The following TMTC2 variants were observed in gnomAD, a reference collection of about 807,000 sequenced individuals.
The protein encoded by TMTC2 is protein O-mannosyl-transferase TMTC2.
A neutral mutation model predicts 82.4 loss-of-function variants in TMTC2; 43 were observed. That is an observed-to-expected ratio of 0.52 (90% CI 0.41 to 0.67). TMTC2 has a LOEUF of 0.67. Among genes scored for constraint, TMTC2 ranks in the 30% least tolerant of loss-of-function variants. The pLI is 0.00. For missense variants in TMTC2, 919 were observed against 1,012.4 expected (o/e 0.91, Z 1.25); for synonymous variants, 408 against 381.9 (o/e 1.07, Z -0.80).
chr12:83,071,545 A>T (rs1405030737), intron 11 of TMTC2, among the ~76,000 whole-genome samples: 3 of 152,008 alleles, frequency 2.0e-5, no homozygotes, highest in Admixed American at 1.3e-4. Flanking sequence ...TCTTTACCTG[A>T]CTTGTAGAAT....
chr12:83,026,705 A>T (rs1881192040), intron 8 of TMTC2, among the ~76,000 whole-genome samples: 1 of 142,914 alleles, frequency 7.0e-6, no homozygotes, highest in South Asian at 2.3e-4. Context: ...TGATTGAAGG[A>T]GTGTGTGTGT....
At chr12:82,705,193 G>T (rs900681160) in intron 1 of TMTC2, among the ~76,000 whole-genome samples, 6 of 152,184 alleles carry the variant, frequency 3.9e-5, no homozygotes, top group African/African-American at 1.2e-4. Flanking sequence ...CAAGGGGAGA[G>T]GGTGGGTAGA....
In TMTC2 at chr12:82,910,695, C is replaced by A. The variant is rs966826933; in HGVS notation, c.1483+14049C>A. Among the ~76,000 whole-genome samples, 8 of 152,100 alleles carry A rather than the reference C, an allele frequency of 5.3e-5. 1 individual carries two copies. The highest frequency in any genetic ancestry group is 4.6e-4 in the Admixed American group (7 of 15,282). On this transcript the variant is annotated intron_variant, in intron 3 of 11. Coordinates refer to ENST00000321196, the MANE Select transcript of TMTC2 (RefSeq NM_152588.3). Reference sequence around the variant, plus strand: ...GGATTTCCCATGGAGTCCGGCTGCTCCCCAGCCTGGGCTCTCCTCTGATTG... The same window carrying A: ...GGATTTCCCATGGAGTCCGGCTGCTACCCAGCCTGGGCTCTCCTCTGATTG...
chr12:82,898,524 T>C (rs1873793909), intron 3 of TMTC2, among the ~76,000 whole-genome samples: 1 of 152,190 alleles, frequency 6.6e-6, no homozygotes, highest in Non-Finnish European at 1.5e-5. Flanking sequence ...CTTTATTCTT[T>C]CATGTGACAA....
chr12:82,796,308 A>G (rs17009991), intron 1 of TMTC2, among the ~76,000 whole-genome samples: 52,634 of 151,902 alleles, frequency 0.35, 9,387 homozygotes, highest in Middle Eastern at 0.56. Flanking sequence ...CCGAAGAATG[A>G]TTTTTATTTG....
rs566183425 is a variant in TMTC2 at position 82,773,258 on chromosome 12, T to C, written c.84-83752T>C. On this transcript the variant is annotated intron_variant, in intron 1 of 11. Coordinates refer to ENST00000321196, the MANE Select transcript of TMTC2 (RefSeq NM_152588.3). Reference sequence around the variant, plus strand: ...TGAGAGTCTTGTTTCAAATTGTATATAGTCAAAAGCTTGACAGTGATTTAT... The same window carrying C: ...TGAGAGTCTTGTTTCAAATTGTATACAGTCAAAAGCTTGACAGTGATTTAT... 3.3e-5 allele frequency among the ~76,000 whole-genome samples: 5 copies of C among 152,300 alleles called. No homozygotes were observed. In the East Asian group the frequency reaches 9.7e-4, roughly 29 times the overall value.
At chr12:82,965,833 T>C (rs779616796) in intron 6 of TMTC2, 89 bp downstream of exon 6, 7 of 1,461,424 alleles carry the variant, frequency 4.8e-6, no homozygotes, top group Admixed American at 3.4e-5. Context: ...TTTGAGCCTA[T>C]GTCCTTTGAA....
Position 82,937,780 on chromosome 12 carries a change from A to G in TMTC2, c.1598+7235A>G, listed in dbSNP as rs1207238089. 1.4e-3 allele frequency among the ~76,000 whole-genome samples: 32 copies of G among 23,226 alleles called. 1 individual carries two copies. The highest frequency in any genetic ancestry group is 4.1e-3 in the African/African-American group (32 of 7,896). 15.2% of individuals were successfully genotyped at this position (23,226 alleles called of 152,430 possible). On this transcript the variant is annotated intron_variant, in intron 4 of 11. Coordinates refer to ENST00000321196, the MANE Select transcript of TMTC2 (RefSeq NM_152588.3). Reference sequence around the variant, plus strand: ...TATATATATATATATATATATATATATATATATATATATATACACACATAT... The same window carrying G: ...TATATATATATATATATATATATATGTATATATATATATATACACACATAT...
chr12:82,727,685 C>T (rs1406568309), intron 1 of TMTC2, among the ~76,000 whole-genome samples: 2 of 151,006 alleles, frequency 1.3e-5, no homozygotes, highest in African/African-American at 2.4e-5. Flanking sequence ...TGTGCCATTG[C>T]ACTCCAGCGT....
intron 4 of TMTC2, among the ~76,000 whole-genome samples, chr12:82,937,551 A>T (rs1381713366): frequency 1.3e-5 from 2 of 152,028 alleles, no homozygotes; most frequent in African/African-American, 2.4e-5. Flanking sequence ...TGAGGGGGAC[A>T]TAATTCAACC....
intron 1 of TMTC2, among the ~76,000 whole-genome samples, chr12:82,798,976 C>T (rs1878865355): frequency 6.6e-6 from 1 of 152,040 alleles, no homozygotes; most frequent in African/African-American, 2.4e-5. Context: ...TCTAAAAAGT[C>T]CATATTGCAT....
At chr12:82,735,438 C>T (rs1218429011) in intron 1 of TMTC2, among the ~76,000 whole-genome samples, 2 of 151,788 alleles carry the variant, frequency 1.3e-5, no homozygotes, top group Admixed American at 6.6e-5. Context: ...CTCCGCCTCC[C>T]AGGTTCATGC....
At chr12:82,757,898 A>G (rs951042427) in intron 1 of TMTC2, among the ~76,000 whole-genome samples, 13 of 152,218 alleles carry the variant, frequency 8.5e-5, no homozygotes, top group South Asian at 4.1e-4. Context: ...AATTATCACC[A>G]TAGATAATGA....
chr12:83,111,717 G>A (rs962574), intron 11 of TMTC2, among the ~76,000 whole-genome samples: 102,849 of 152,008 alleles, frequency 0.68, 36,555 homozygotes, highest in African/African-American at 0.91. Context: ...TCTATTACAT[G>A]CTGCTGGATC....
chr12:82,973,642 A>G (rs1878543480), intron 7 of TMTC2, among the ~76,000 whole-genome samples: 1 of 152,192 alleles, frequency 6.6e-6, no homozygotes, highest in Admixed American at 6.5e-5. Flanking sequence ...TACAGACGCT[A>G]ATTTGCTAGG....
At chr12:82,819,166 GCCT>G (rs1868928650) in intron 1 of TMTC2, among the ~76,000 whole-genome samples, 1 of 151,678 alleles carries the variant, frequency 6.6e-6, no homozygotes, top group Non-Finnish European at 1.5e-5. Flanking sequence ...TGACCATCTA[GCCT>G]CTGTTTGAAT....
intron 1 of TMTC2, among the ~76,000 whole-genome samples, chr12:82,837,193 C>T (rs1870093141): frequency 6.6e-6 from 1 of 152,176 alleles, no homozygotes; most frequent in African/African-American, 2.4e-5. Flanking sequence ...ATGAATTATA[C>T]TAGAAGCTGG....
chr12:82,872,016 C>T (rs895976415), intron 2 of TMTC2, among the ~76,000 whole-genome samples: 2 of 128,576 alleles, frequency 1.6e-5, no homozygotes, highest in Admixed American at 7.6e-5. Context: ...CCCCCCCCCC[C>T]GCCCACACCC....
intron 2 of TMTC2, among the ~76,000 whole-genome samples, chr12:82,880,198 G>A (rs910581662): frequency 6.6e-6 from 1 of 152,090 alleles, no homozygotes; most frequent in Admixed American, 6.6e-5. Context: ...GTTTCATTTA[G>A]GAGTTATTAC....
Sources: allele counts gnomAD v4.1 joint callset (sites outside exome capture counted in the v4.1 genomes callset), GRCh38; gene constraint gnomAD v4.1.1; transcripts MANE v1.5; gene names NCBI Gene and HGNC (gene_info 2026-07-23, HGNC 2026-07-21).